Variants in CACNA1E observed in about 807,000 individuals in gnomAD.
CACNA1E encodes the protein voltage-dependent R-type calcium channel subunit alpha-1E.
Under a neutral mutation model 259.2 loss-of-function variants are expected in CACNA1E, and 40 were observed. That is an observed-to-expected ratio of 0.15 (90% CI 0.12 to 0.20). CACNA1E has a LOEUF of 0.20. Among genes scored for constraint, CACNA1E ranks in the 10% least tolerant of loss-of-function variants. The pLI, the probability that CACNA1E is intolerant of heterozygous loss-of-function variation, is 1.00. For missense variants in CACNA1E, 1,874 were observed against 3,040.1 expected (o/e 0.62, Z 9.02); for synonymous variants, 1,104 against 1,138.5 (o/e 0.97, Z 0.61).
chr1:181,530,415 T>C (rs1480310273), intron 3 of CACNA1E, among the ~76,000 whole-genome samples: 1 of 152,216 alleles, frequency 6.6e-6, no homozygotes, highest in Non-Finnish European at 1.5e-5. Flanking sequence ...GCTGAGAATA[T>C]AGCAGATTTT....
At position 181,694,419 on chromosome 1, in the gene CACNA1E, T is replaced by G. The variant is rs377085801; in HGVS notation, c.1056-16535T>G. Reference sequence around the variant, plus strand: ...AAAGTTTATGTGTTATAATCCCCAGTGCAACAGAGTTGAGAGGTGGGACCC... The same window carrying G: ...AAAGTTTATGTGTTATAATCCCCAGGGCAACAGAGTTGAGAGGTGGGACCC... On this transcript the variant is annotated intron_variant, in intron 7 of 47. Coordinates refer to ENST00000367573, the MANE Select transcript of CACNA1E (RefSeq NM_001205293.3). 3.3e-5 allele frequency among the ~76,000 whole-genome samples: 5 copies of G among 152,192 alleles called. No individual in the cohort carries two copies. The East Asian group carries it at 7.7e-4, about 23-fold the overall frequency.
chr1:181,542,939 G>A (rs984513253), intron 3 of CACNA1E, among the ~76,000 whole-genome samples: 2 of 149,348 alleles, frequency 1.3e-5, no homozygotes, highest in African/African-American at 2.5e-5. Context: ...GGAAATACAC[G>A]TTGCTCATAA....
At chr1:181,639,482 A>G (rs746792961) in intron 6 of CACNA1E, among the ~76,000 whole-genome samples, 11 of 152,214 alleles carry the variant, frequency 7.2e-5, no homozygotes, top group Non-Finnish European at 1.5e-4. Flanking sequence ...GTTCAGATAA[A>G]GATGTTTTAA....
chr1:181,418,924 T>A (rs1014918691), intron 2 of CACNA1E, among the ~76,000 whole-genome samples: 5 of 152,048 alleles, frequency 3.3e-5, no homozygotes, highest in African/African-American at 1.2e-4. Flanking sequence ...AATAATTGAT[T>A]GAAGCTGGTA....
chr1:181,363,773 A>AGGT (rs1246756177), intron 1 of CACNA1E, among the ~76,000 whole-genome samples: 1 of 152,214 alleles, frequency 6.6e-6, no homozygotes, highest in Non-Finnish European at 1.5e-5. Context: ...ATAAGGTTGC[A>AGGT]GGTGCCAGCC....
chr1:181,442,914 G>A (rs905171527), intron 2 of CACNA1E, among the ~76,000 whole-genome samples: 8 of 152,178 alleles, frequency 5.3e-5, no homozygotes, highest in Admixed American at 3.3e-4. Context: ...TATCTCTGCA[G>A]ACCAGCCTTG....
At chr1:181,555,660 C>A (rs1466129877) in intron 3 of CACNA1E, among the ~76,000 whole-genome samples, 1 of 152,188 alleles carries the variant, frequency 6.6e-6, no homozygotes, top group African/African-American at 2.4e-5. Context: ...AACTCAGAGC[C>A]AGCAGTCATT....
intron 1 of CACNA1E, among the ~76,000 whole-genome samples, chr1:181,493,950 G>A (rs1216121069): frequency 6.6e-6 from 1 of 152,214 alleles, no homozygotes; most frequent in Non-Finnish European, 1.5e-5. Context: ...TGTAATCACT[G>A]TCTCTCCAGC....
chr1:181,763,354 T>C, intron 33 of CACNA1E, 52 bp from the exon 34 acceptor site: 1 of 1,469,622 alleles, frequency 6.8e-7, no homozygotes, highest in East Asian at 2.3e-5. Context: ...TGCTTAGATT[T>C]TTCTAAATCA....
chr1:181,359,130 C>A (rs1653670650), intron 1 of CACNA1E, among the ~76,000 whole-genome samples: 1 of 152,166 alleles, frequency 6.6e-6, no homozygotes, highest in Non-Finnish European at 1.5e-5. Flanking sequence ...ATTCACTGAA[C>A]AGGTATTTAT....
chr1:181,511,204 C>T (rs1273751385), intron 2 of CACNA1E, among the ~76,000 whole-genome samples, 167 bp from the exon 3 acceptor site: 1 of 152,170 alleles, frequency 6.6e-6, no homozygotes, highest in Non-Finnish European at 1.5e-5. Flanking sequence ...GCCCTGTGCA[C>T]TCCTGAGTCA....
chr1:181,637,357 C>A (rs1657320053), intron 6 of CACNA1E, among the ~76,000 whole-genome samples: 1 of 152,072 alleles, frequency 6.6e-6, no homozygotes, highest in South Asian at 2.1e-4. Flanking sequence ...AAAAAAAACA[C>A]AAAACCCTAG....
chr1:181,421,110 G>A (rs896906294), intron 2 of CACNA1E, among the ~76,000 whole-genome samples: 1 of 152,202 alleles, frequency 6.6e-6, no homozygotes, highest in Admixed American at 6.5e-5. Context: ...ATTCACTCCA[G>A]GTCCTCTAAT....
At position 181,804,686 on chromosome 1, in the gene CACNA1E, T is replaced by C. The variant is rs956493525; in HGVS notation, c.*5852T>C. 7 of 152,190 alleles carry C rather than the reference T, an allele frequency of 4.6e-5. No homozygotes were observed. Among genetic ancestry groups the C allele is most frequent in the Non-Finnish European group, 1.0e-4 (7 of 68,032 alleles). 9.4% of individuals were successfully genotyped at this position (152,190 alleles called of 1,614,324 possible). On this transcript the variant is annotated 3_prime_UTR_variant, in exon 48 of 48. Transcript: ENST00000367573. Reference sequence around the variant, plus strand: ...ACATGAATGTTTGGCTAACTCATGATGTAAAGTGTCTGTTAAGTTAATAAT... The same window carrying C: ...ACATGAATGTTTGGCTAACTCATGACGTAAAGTGTCTGTTAAGTTAATAAT...
chr1:181,720,735 G>T, intron 14 of CACNA1E, 48 bp from the exon 15 acceptor site: 2 of 1,083,122 alleles, frequency 1.8e-6, no homozygotes, highest in Non-Finnish European at 2.8e-6. Context: ...TGGAAAACTT[G>T]GTATGTGAGA....
chr1:181,721,248 C>T (rs979749021), intron 15 of CACNA1E, among the ~76,000 whole-genome samples: 3 of 152,282 alleles, frequency 2.0e-5, no homozygotes, highest in East Asian at 1.9e-4. Context: ...CCTACTCCCC[C>T]CAAAACTCAA....
At chr1:181,495,775 G>A (rs564608654) in intron 1 of CACNA1E, among the ~76,000 whole-genome samples, 1 of 152,320 alleles carries the variant, frequency 6.6e-6, no homozygotes, top group South Asian at 2.1e-4. Flanking sequence ...TGGCTAATGT[G>A]TATGAAAGCC....
At chr1:181,741,059 A>T (rs138897870) in intron 25 of CACNA1E, among the ~76,000 whole-genome samples, 1 of 152,216 alleles carries the variant, frequency 6.6e-6, no homozygotes, top group East Asian at 1.9e-4. Context: ...TCATTTTACT[A>T]ATTCATTTGC....
In CACNA1E at chr1:181,683,412, C is replaced by T. The variant is rs115873752; in HGVS notation, c.1056-27542C>T. On this transcript the variant is annotated intron_variant, in intron 7 of 47. Transcript: ENST00000367573. ...TGCTCTTATGCTTGGGTTTAAGAGA[C>T]TTTTTTAAGATCAGATTTTATTTCT... Among the ~76,000 whole-genome samples, 443 of 152,234 alleles carry T rather than the reference C, an allele frequency of 2.9e-3. 2 individuals carry two copies. The highest frequency in any genetic ancestry group is 0.01 in the African/African-American group (431 of 41,544).
Sources: gnomAD v4.1 joint callset for allele counts (sites outside exome capture counted in the v4.1 genomes callset) on GRCh38, gnomAD v4.1.1 for gene constraint, MANE v1.5 for transcripts, NCBI Gene and HGNC (gene_info 2026-07-23, HGNC 2026-07-21) for gene names.